Variants in AGBL2 observed in about 807,000 individuals in gnomAD.
AGBL2 encodes the protein cytosolic carboxypeptidase 2.
Under a neutral mutation model 103.0 loss-of-function variants are expected in AGBL2, and 87 were observed. The ratio of observed to expected loss-of-function variants is 0.84; its 90% CI spans 0.71 to 1.01. The LOEUF is 1.01. AGBL2 is among the 50% of genes least tolerant of loss of function. The pLI is 0.00. For synonymous variants in AGBL2, 335 were observed against 356.7 expected (o/e 0.94, Z 0.69); for missense variants, 904 against 1,023.5 (o/e 0.88, Z 1.59).
intron 15 of AGBL2, 99 bp downstream of exon 15, chr11:47,668,742 G>T: frequency 1.2e-6 from 1 of 863,140 alleles, no homozygotes; most frequent in Non-Finnish European, 1.9e-6. Context: ...TATATTTTCT[G>T]CAGGTCTTAG....
chr11:47,681,561 G>A (rs1269422493), intron 12 of AGBL2, among the ~76,000 whole-genome samples: 6 of 152,180 alleles, frequency 3.9e-5, no homozygotes, highest in African/African-American at 1.2e-4. Flanking sequence ...TTCACCTCCC[G>A]GGTTCAAGCG....
At chr11:47,679,085 A>G (rs897780366) in intron 13 of AGBL2, among the ~76,000 whole-genome samples, 22 of 149,084 alleles carry the variant, frequency 1.5e-4, no homozygotes, top group Middle Eastern at 3.5e-3. Flanking sequence ...AAAAAAAAAA[A>G]AAAAGAAAAG....
At chr11:47,668,737 T>G (rs1337792276) in intron 15 of AGBL2, 104 bp downstream of exon 15, 14 of 836,264 alleles carry the variant, frequency 1.7e-5, no homozygotes, top group Non-Finnish European at 2.8e-5. Flanking sequence ...TACTGTATAT[T>G]TTCTGCAGGT....
At position 47,681,964 on chromosome 11, in the gene AGBL2, T is replaced by C. The variant is rs2097402974; in HGVS notation, c.1915+5A>G. ...CTGGCCTATGATATACAAAAGAGAATGTACCCAGGGTGGACCCGCCAAAGG... is the reference window on the plus strand; with the variant it reads ...CTGGCCTATGATATACAAAAGAGAACGTACCCAGGGTGGACCCGCCAAAGG... On this transcript the variant is annotated splice_donor_5th_base_variant and intron_variant, in intron 12 of 18. Coordinates refer to ENST00000525123, the MANE Select transcript of AGBL2 (RefSeq NM_024783.4). 1.9e-6 allele frequency: 3 copies of C among 1,611,924 alleles called. No homozygotes were observed. The highest frequency in any genetic ancestry group is 1.3e-5 in the African/African-American group (1 of 74,768).
chr11:47,670,526 C>T (rs2097354227), intron 14 of AGBL2, among the ~76,000 whole-genome samples: 1 of 152,006 alleles, frequency 6.6e-6, no homozygotes, highest in East Asian at 1.9e-4. Context: ...AGGTCAGAGA[C>T]CAAGATTACT....
chr11:47,660,445 A>G, intron 18 of AGBL2, 99 bp from the exon 19 acceptor site: 1 of 1,075,440 alleles, frequency 9.3e-7, no homozygotes, highest in South Asian at 1.6e-5. Context: ...GCTGGTGAGA[A>G]ATATTTGCAT....
chr11:47,704,745 GAGTA>G lies in AGBL2; in HGVS notation c.401-21_401-18del. 6.2e-7 allele frequency: 1 copy of G among 1,606,672 alleles called. No homozygotes were observed. Among genetic ancestry groups the G allele is most frequent in the African/African-American group, 1.3e-5 (1 of 74,896 alleles). ...TATGTGAATCTGCCAAAGGGAAAGAGAGTAAGTGAACATCTTCCTTTTCCTCCTT... is the reference window on the plus strand; with the variant it reads ...TATGTGAATCTGCCAAAGGGAAAGAGAGTGAACATCTTCCTTTTCCTCCTT... On this transcript the variant is annotated intron_variant, in intron 6 of 18. Coordinates refer to ENST00000525123, the MANE Select transcript of AGBL2 (RefSeq NM_024783.4).
rs1047314223 is a variant in AGBL2, at chr11:47,713,914, G to A, written c.97+370C>T. Among the ~76,000 whole-genome samples the A allele has an allele frequency of 7.9e-5, 12 of 152,056 alleles. No homozygotes were observed. The East Asian group carries it at 2.1e-3, about 27-fold the overall frequency. ...GCCAATTGTAAAATTTATATAGTAAGGCAAAGACTCAAGAACAGCCGTGAC... is the reference window on the plus strand; with the variant it reads ...GCCAATTGTAAAATTTATATAGTAAAGCAAAGACTCAAGAACAGCCGTGAC... On this transcript the variant is annotated intron_variant, in intron 3 of 18. Transcript: ENST00000525123.
intron 14 of AGBL2, among the ~76,000 whole-genome samples, chr11:47,673,859 G>A (rs1357662494): frequency 6.7e-6 from 1 of 150,182 alleles, no homozygotes; most frequent in Non-Finnish European, 1.5e-5. Flanking sequence ...CAGCACTTGA[G>A]GAGGCCGAGA....
intron 8 of AGBL2, among the ~76,000 whole-genome samples, chr11:47,693,073 G>A (rs1407391794): frequency 6.6e-6 from 1 of 152,022 alleles, no homozygotes. Flanking sequence ...TCCTTCTTCA[G>A]CCTCCCAAAG....
chr11:47,682,148 T>G, intron 11 of AGBL2, 53 bp from the exon 12 acceptor site: 2 of 1,527,084 alleles, frequency 1.3e-6, no homozygotes, highest in Non-Finnish European at 1.8e-6. Context: ...ATGTAAAATA[T>G]CTAAGATTCA....
chr11:47,671,298 T>C (rs191749154), intron 14 of AGBL2, among the ~76,000 whole-genome samples: 87 of 152,148 alleles, frequency 5.7e-4, no homozygotes, highest in African/African-American at 2.0e-3. Flanking sequence ...GCAGATCACT[T>C]GAGGTCAGGA....
At chr11:47,713,759 T>G (rs1035865559) in intron 3 of AGBL2, among the ~76,000 whole-genome samples, 1 of 151,144 alleles carries the variant, frequency 6.6e-6, no homozygotes, top group East Asian at 2.0e-4. Flanking sequence ...CGGCTAATTT[T>G]TTTGTATTTT....
chr11:47,677,878 A>G (rs2097381813), intron 13 of AGBL2, among the ~76,000 whole-genome samples: 1 of 152,180 alleles, frequency 6.6e-6, no homozygotes, highest in South Asian at 2.1e-4. Context: ...AAATTACATG[A>G]GCGGGAGGAA....
At chr11:47,706,613 A>C (rs1443061466) in intron 4 of AGBL2, among the ~76,000 whole-genome samples, 1 of 152,112 alleles carries the variant, frequency 6.6e-6, no homozygotes, top group Non-Finnish European at 1.5e-5. Flanking sequence ...GCGTGTGCCT[A>C]TAGTCCCACC....
At position 47,660,210 on chromosome 11, in the gene AGBL2, G is replaced by A. The variant is rs138759912; in HGVS notation, c.2672C>T (p.Ala891Val). 235 of 1,614,122 alleles carry A rather than the reference G, an allele frequency of 1.5e-4. 1 individual carries two copies. In the African/African-American group the frequency reaches 2.5e-3, roughly 17 times the overall value. ...PATKRGCAAMAAYPSLHIYTY... is the reference protein window; with the variant it reads ...PATKRGCAAMVAYPSLHIYTY... ...GTATATGTGCAAGGATGGGTATGCC[G>A]CCATGGCAGCACAGCCTCTCTTTGT... Residue 891 changes from alanine to valine, a missense_variant, in exon 19 of 19, where the codon GCG (alanine) becomes GTG (valine). Ala to Val is a moderately conservative substitution (Grantham distance 64, BLOSUM62 0). Transcript: ENST00000525123.
intron 18 of AGBL2, among the ~76,000 whole-genome samples, chr11:47,660,850 C>T (rs7933184): frequency 0.35 from 53,148 of 151,994 alleles, 10,506 homozygotes; most frequent in South Asian, 0.52. Flanking sequence ...GCCACCACGC[C>T]GGCCAACATG....
intron 1 of AGBL2, 36 bp downstream of exon 1, chr11:47,715,139 T>C: frequency 6.2e-6 from 1 of 160,954 alleles, no homozygotes; most frequent in Non-Finnish European, 1.4e-5. Context: ...GGGGGTTTCC[T>C]AAGGGTAGGA....
chr11:47,699,161 C>T (rs947407874), intron 8 of AGBL2, among the ~76,000 whole-genome samples: 1 of 152,164 alleles, frequency 6.6e-6, no homozygotes, highest in Non-Finnish European at 1.5e-5. Context: ...GAAAAGAAAT[C>T]TCCCCAAAGA....
Sources: gnomAD v4.1 joint callset for allele counts (sites outside exome capture counted in the v4.1 genomes callset) on GRCh38, gnomAD v4.1.1 for gene constraint, MANE v1.5 for transcripts, NCBI Gene and HGNC (gene_info 2026-07-23, HGNC 2026-07-21) for gene names.